The following CTNNA3 variants were observed in gnomAD, a reference collection of about 807,000 sequenced individuals.
CTNNA3 encodes catenin alpha 3.
CTNNA3 carries 76 observed loss-of-function variants against 95.7 expected under a neutral mutation model. The observed-to-expected ratio is 0.79, with a 90% confidence interval of 0.66 to 0.96. The LOEUF is 0.96. Ranked by LOEUF, CTNNA3 falls within the 40% of genes least tolerant of loss-of-function variation. The pLI is 0.00. For missense variants in CTNNA3, 1,191 were observed against 1,089.8 expected (o/e 1.09, Z -1.31); for synonymous variants, 431 against 374.4 (o/e 1.15, Z -1.74).
chr10:66,492,308 A>G (rs1839951223), intron 11 of CTNNA3, among the ~76,000 whole-genome samples: 1 of 152,012 alleles, frequency 6.6e-6, no homozygotes, highest in Non-Finnish European at 1.5e-5. Flanking sequence ...TTTTGAGACA[A>G]TGTCTCACTC....
At chr10:67,677,911 C>T (rs117329454) in intron 1 of CTNNA3, among the ~76,000 whole-genome samples, 1 of 152,060 alleles carries the variant, frequency 6.6e-6, no homozygotes, top group African/African-American at 2.4e-5. Flanking sequence ...AGTAGAGGAA[C>T]AAATAATAGG....
chr10:65,983,671 T>C (rs2078368962), intron 16 of CTNNA3, among the ~76,000 whole-genome samples: 1 of 151,418 alleles, frequency 6.6e-6, no homozygotes, highest in Non-Finnish European at 1.5e-5. Flanking sequence ...AAGACTTAAA[T>C]ATATCTTTGA....
intron 10 of CTNNA3, among the ~76,000 whole-genome samples, chr10:66,542,467 T>G (rs553613072): frequency 6.6e-5 from 10 of 152,226 alleles, no homozygotes; most frequent in Admixed American, 3.9e-4. Flanking sequence ...CTACTCACAA[T>G]AGCAAAGACT....
intron 7 of CTNNA3, chr10:66,926,847 A>T (rs1847107572): frequency 7.9e-7 from 1 of 1,267,458 alleles, no homozygotes; most frequent in Non-Finnish European, 1.1e-6. Context: ...TGAAAAATAT[A>T]TGCCTATTTT....
In CTNNA3 at chr10:67,461,469, T is replaced by C. The variant is rs561492966; in HGVS notation, c.579+60373A>G. Among the ~76,000 whole-genome samples, 5 of 152,244 alleles carry C rather than the reference T, an allele frequency of 3.3e-5. No homozygotes were observed. The East Asian group carries it at 9.7e-4, about 29-fold the overall frequency. ...AGTAAGATAAAGAAAAGTGAAAAAT[T>C]GTCAATGTTCAATATACAACCTATA... On this transcript the variant is annotated intron_variant, in intron 5 of 17. Coordinates refer to ENST00000433211, the MANE Select transcript of CTNNA3 (RefSeq NM_013266.4).
At chr10:67,641,410 G>A (rs1839528109) in intron 2 of CTNNA3, among the ~76,000 whole-genome samples, 1 of 150,712 alleles carries the variant, frequency 6.6e-6, no homozygotes, top group African/African-American at 2.4e-5. Context: ...CTATTGGTGG[G>A]ACTGTAAACT....
chr10:66,733,221 T>C (rs572452432), intron 9 of CTNNA3, among the ~76,000 whole-genome samples: 37 of 152,306 alleles, frequency 2.4e-4, no homozygotes, highest in Non-Finnish European at 4.7e-4. Flanking sequence ...CAAAAACTGC[T>C]AACATTTTTA....
intron 7 of CTNNA3, among the ~76,000 whole-genome samples, chr10:67,101,464 G>T: frequency 6.6e-6 from 1 of 150,996 alleles, no homozygotes; most frequent in East Asian, 1.9e-4. Flanking sequence ...TTTCTTATAA[G>T]AAAAATAAAA....
At chr10:65,953,467 A>C (rs1179154744) in intron 17 of CTNNA3, among the ~76,000 whole-genome samples, 1 of 151,776 alleles carries the variant, frequency 6.6e-6, no homozygotes, top group African/African-American at 2.4e-5. Context: ...ACATGTGCCA[A>C]GTTGGTGTGC....
chr10:66,285,916 T>A (rs77056573), intron 12 of CTNNA3, among the ~76,000 whole-genome samples: 3,896 of 152,030 alleles, frequency 0.026, 157 homozygotes, highest in African/African-American at 0.089. Context: ...AACATTAAAT[T>A]TTTTTCTATG....
rs534310401 is a variant in CTNNA3 at position 66,041,388 on chromosome 10, GTAA to G, written c.2159+27917_2159+27919del. ...GCCTGTTTAATAGTAATTAATAGCAGTAATAATAACATTAATAGCACAAATGTT... is the reference window on the plus strand; with the variant it reads ...GCCTGTTTAATAGTAATTAATAGCAGTAATAACATTAATAGCACAAATGTT... On this transcript the variant is annotated intron_variant, in intron 15 of 17. Coordinates refer to ENST00000433211, the MANE Select transcript of CTNNA3 (RefSeq NM_013266.4). Among the ~76,000 whole-genome samples the G allele has an allele frequency of 7.9e-4, 121 of 152,252 alleles. 1 individual carries two copies. The highest frequency in any genetic ancestry group is 2.7e-3 in the African/African-American group (111 of 41,550).
chr10:65,920,496 G>A lies in CTNNA3; in HGVS notation c.2522C>T (p.Pro841Leu), dbSNP rs2133106149. ...KIIRIQSPAG[P>L]RHPVVMWRMK... ...TCTCCACATCACAACTGGGTGCCGG[G>A]GCCCAGCAGGACTCTGGATTCGGAT... Residue 841 changes from proline (P) to leucine (L), a missense_variant, in exon 18 of 18, where the codon CCC (proline) becomes CTC (leucine). Transcript: ENST00000433211. The A allele has an allele frequency of 3.7e-6, 6 of 1,614,102 alleles. No individual in the cohort carries two copies. Among genetic ancestry groups the A allele is most frequent in the Non-Finnish European group, 5.1e-6 (6 of 1,180,026 alleles).
chr10:66,885,106 A>G (rs1477331149), intron 7 of CTNNA3, among the ~76,000 whole-genome samples: 1 of 152,160 alleles, frequency 6.6e-6, no homozygotes, highest in Non-Finnish European at 1.5e-5. Flanking sequence ...CACTGGCAAG[A>G]TGAGACTACT....
At chr10:67,605,782 G>A (rs573334764) in intron 3 of CTNNA3, among the ~76,000 whole-genome samples, 10 of 151,968 alleles carry the variant, frequency 6.6e-5, no homozygotes, top group Non-Finnish European at 1.3e-4. Context: ...AGGTTCAAGC[G>A]ATTCTCCTGC....
At chr10:67,236,353 C>T (rs1163890074) in intron 5 of CTNNA3, among the ~76,000 whole-genome samples, 5 of 151,588 alleles carry the variant, frequency 3.3e-5, no homozygotes, top group South Asian at 2.1e-4. Flanking sequence ...GAGTTCATGT[C>T]CTTTGTAGGG....
At chr10:67,526,110 C>G (rs191857552) in intron 4 of CTNNA3, among the ~76,000 whole-genome samples, 280 of 152,066 alleles carry the variant, frequency 1.8e-3, no homozygotes, top group Non-Finnish European at 3.1e-3. Flanking sequence ...ATATTAATAC[C>G]TAGAGTAAAA....
chr10:66,579,201 T>C (rs149595284), intron 10 of CTNNA3, among the ~76,000 whole-genome samples: 101 of 152,016 alleles, frequency 6.6e-4, no homozygotes, highest in African/African-American at 2.4e-3. Context: ...TCATTTCTGA[T>C]TGTATTTATT....
intron 7 of CTNNA3, among the ~76,000 whole-genome samples, chr10:66,919,789 A>G (rs996829552): frequency 3.0e-4 from 45 of 152,274 alleles, no homozygotes; most frequent in Non-Finnish European, 4.3e-4. Context: ...TATAATTACA[A>G]ATGTAGACAT....
intron 7 of CTNNA3, among the ~76,000 whole-genome samples, chr10:66,811,344 C>A (rs1055589199): frequency 6.6e-6 from 1 of 152,120 alleles, no homozygotes; most frequent in African/African-American, 2.4e-5. Flanking sequence ...GAACAATTGT[C>A]TTCAACACTT....
Sources: gnomAD v4.1 joint callset for allele counts (sites outside exome capture counted in the v4.1 genomes callset) on GRCh38, gnomAD v4.1.1 for gene constraint, MANE v1.5 for transcripts, NCBI Gene and HGNC (gene_info 2026-07-23, HGNC 2026-07-21) for gene names.